TENM3: variants seen among roughly 807,000 people sequenced by gnomAD.
TENM3 encodes the protein teneurin transmembrane protein 3.
In TENM3, 63 loss-of-function variants were observed where a neutral mutation model predicts 255.1. The ratio of observed to expected loss-of-function variants is 0.25; its 90% CI spans 0.20 to 0.30. TENM3 has a LOEUF of 0.30. Among genes scored for constraint, TENM3 ranks in the 10% least tolerant of loss-of-function variants. The pLI is 1.00. For missense variants in TENM3, 2,929 were observed against 3,461.1 expected, an observed-to-expected ratio of 0.85 and a Z score of 3.86; for synonymous variants, 1,306 against 1,322.3, an observed-to-expected ratio of 0.99 and a Z score of 0.27.
At chr4:182,788,848 A>T (rs1322306723) in intron 24 of TENM3, among the ~76,000 whole-genome samples, 1 of 152,150 alleles carries the variant, frequency 6.6e-6, no homozygotes, top group Non-Finnish European at 1.5e-5. Flanking sequence ...TATTTTTCTT[A>T]TCAGTTGCTT....
At chr4:181,950,783 G>T in the TENM3 span, among the ~76,000 whole-genome samples, 1 of 152,194 alleles carries the variant, frequency 6.6e-6, no homozygotes, top group Non-Finnish European at 1.5e-5. Flanking sequence ...GCTCATGCCT[G>T]TAATCCCAGC....
chr4:181,695,572 A>G, the TENM3 span, among the ~76,000 whole-genome samples: 1 of 152,030 alleles, frequency 6.6e-6, no homozygotes, highest in African/African-American at 2.4e-5. Flanking sequence ...ACTCCCTACT[A>G]TGTGGTTGAG....
the TENM3 span, among the ~76,000 whole-genome samples, chr4:181,903,526 G>T: frequency 1.3e-5 from 2 of 152,158 alleles, no homozygotes; most frequent in Non-Finnish European, 2.9e-5. Context: ...GGCCCAGCCT[G>T]TCATCTCTCC....
the TENM3 span, among the ~76,000 whole-genome samples, chr4:181,894,538 A>C: frequency 3.9e-5 from 6 of 152,224 alleles, no homozygotes; most frequent in Admixed American, 3.3e-4. Flanking sequence ...ACTGTCAGGG[A>C]GTATGAGCAA....
chr4:181,758,468 C>T, the TENM3 span, among the ~76,000 whole-genome samples: 1 of 152,168 alleles, frequency 6.6e-6, no homozygotes, highest in African/African-American at 2.4e-5. Flanking sequence ...TTTCCATTTC[C>T]TCAGCCTGGG....
intron 1 of TENM3, among the ~76,000 whole-genome samples, chr4:182,159,678 C>T (rs1222885253): frequency 6.6e-6 from 1 of 152,096 alleles, no homozygotes; most frequent in African/African-American, 2.4e-5. Context: ...CCATTAGAAG[C>T]GCTCAGCTCA....
Position 182,375,435 on chromosome 4 carries a change from A to C in TENM3, c.511+28506A>C, listed in dbSNP as rs376420702. On this transcript the variant is annotated intron_variant, in intron 3 of 27. Transcript: ENST00000511685. ...GGAATTCAGAGAGAAACTTAGTCTT[A>C]GGCAGAGAAAGGTTTTTATTTTCCT... Among the ~76,000 whole-genome samples the C allele has an allele frequency of 2.0e-5, 3 of 152,346 alleles. No homozygotes were observed. In the East Asian group the frequency reaches 5.8e-4, roughly 29 times the overall value.
chr4:182,586,120 G>C (rs1366941282), intron 3 of TENM3, among the ~76,000 whole-genome samples: 1 of 152,092 alleles, frequency 6.6e-6, no homozygotes, highest in African/African-American at 2.4e-5. Flanking sequence ...AGCTGAGGAT[G>C]GTGCTGCATG....
chr4:181,502,786 G>A, the TENM3 span, among the ~76,000 whole-genome samples: 7 of 152,162 alleles, frequency 4.6e-5, no homozygotes, highest in East Asian at 3.9e-4. Context: ...CGGAAGCTCA[G>A]TTCCTACAGA....
chr4:182,509,237 G>A (rs1021393792), intron 3 of TENM3, among the ~76,000 whole-genome samples: 4 of 152,124 alleles, frequency 2.6e-5, no homozygotes, highest in African/African-American at 9.7e-5. Flanking sequence ...AGACACAGAT[G>A]GTCACTGTAT....
At chr4:182,688,111 C>T (rs1477473890) in intron 11 of TENM3, 55 bp from the exon 12 acceptor site, 39 of 1,450,636 alleles carry the variant, frequency 2.7e-5, no homozygotes, top group Non-Finnish European at 3.2e-5. Flanking sequence ...ATTAATTCCC[C>T]TTCTCTCTCC....
chr4:182,531,232 T>C (rs1739751291), intron 3 of TENM3, among the ~76,000 whole-genome samples: 1 of 152,234 alleles, frequency 6.6e-6, no homozygotes, highest in Non-Finnish European at 1.5e-5. Flanking sequence ...ATGCTAACAC[T>C]GTTTTGTTAT....
In TENM3 at chr4:182,778,946, CTTTTTTTTT is replaced by C. The variant is rs201688335; in HGVS notation, c.5304+3796_5304+3804del. Among the ~76,000 whole-genome samples the C allele has an allele frequency of 6.9e-5, 8 of 115,938 alleles. 1 individual carries two copies. In the South Asian group the frequency reaches 2.1e-3, roughly 30 times the overall value. 76.1% of individuals were successfully genotyped at this position (115,938 alleles called of 152,430 possible). A position where few individuals can be genotyped will look rare whatever the true frequency, so the allele number is the denominator to read the frequency against. On this transcript the variant is annotated intron_variant, in intron 24 of 27. Coordinates refer to ENST00000511685, the MANE Select transcript of TENM3 (RefSeq NM_001080477.4). The stretch of plus-strand genomic sequence containing the variant: ...TGTGTGTATAAATATATATTTTTTT[CTTTTTTTTT>C]TTAATGTCTTGAAGAATTGTTAGTA...
chr4:181,579,085 C>T, the TENM3 span, among the ~76,000 whole-genome samples: 1 of 152,108 alleles, frequency 6.6e-6, no homozygotes, highest in Admixed American at 6.6e-5. Flanking sequence ...TTTCTCTGTC[C>T]TTGGCTCCCT....
At position 182,726,644 on chromosome 4, in the gene TENM3, G is replaced by T. The variant is rs572471665; in HGVS notation, c.2369-2321G>T. Among the ~76,000 whole-genome samples, 5 of 152,286 alleles carry T rather than the reference G, an allele frequency of 3.3e-5. No homozygotes were observed. The East Asian group carries it at 9.7e-4, about 29-fold the overall frequency. The stretch of plus-strand genomic sequence containing the variant: ...GCACATGGCCTGAGAGGTGGGGAAG[G>T]CCGGATACGCAAACGAAAAGTTTCA... On this transcript the variant is annotated intron_variant, in intron 13 of 27. Transcript: ENST00000511685.
At chr4:181,705,017 C>A in the TENM3 span, among the ~76,000 whole-genome samples, 3 of 144,114 alleles carry the variant, frequency 2.1e-5, no homozygotes, top group African/African-American at 5.2e-5. Context: ...GCCTGGGTGA[C>A]AGAGTGAGAC....
At chr4:181,820,908 A>G in the TENM3 span, among the ~76,000 whole-genome samples, 3 of 152,192 alleles carry the variant, frequency 2.0e-5, no homozygotes, top group Non-Finnish European at 4.4e-5. Flanking sequence ...CTTCGACACA[A>G]TCTAAATTTT....
the TENM3 span, among the ~76,000 whole-genome samples, chr4:181,695,665 G>C: frequency 6.6e-6 from 1 of 152,184 alleles, no homozygotes; most frequent in Non-Finnish European, 1.5e-5. Flanking sequence ...TCCTAGGGCA[G>C]AGAGATAATT....
chr4:182,641,532 GTTT>G (rs33982626), intron 5 of TENM3, among the ~76,000 whole-genome samples: 1 of 142,224 alleles, frequency 7.0e-6, no homozygotes, highest in Non-Finnish European at 1.5e-5. Flanking sequence ...TTTTTTTGTT[GTTT>G]TTTTTTTTTT....
Sources: allele counts gnomAD v4.1 joint callset (sites outside exome capture counted in the v4.1 genomes callset), GRCh38; gene constraint gnomAD v4.1.1; transcripts MANE v1.5; gene names NCBI Gene and HGNC (gene_info 2026-07-23, HGNC 2026-07-21).